The following UBE2E2 variants were observed in gnomAD, a reference collection of about 807,000 sequenced individuals.
UBE2E2 encodes ubiquitin-conjugating enzyme E2 E2.
Under a neutral mutation model 24.7 loss-of-function variants are expected in UBE2E2, and 6 were observed. That is an observed-to-expected ratio of 0.24 (90% CI 0.13 to 0.48). The LOEUF (loss-of-function observed/expected upper bound fraction) is 0.48. UBE2E2 is among the 20% of genes least tolerant of loss of function. UBE2E2 has a pLI of 0.99. For synonymous variants in UBE2E2, 104 were observed against 83.6 expected (o/e 1.24, Z -1.33); for missense variants, 169 against 245.0 (o/e 0.69, Z 2.07).
At chr3:23,573,479 C>T (rs1387589711) in intron 5 of UBE2E2, among the ~76,000 whole-genome samples, 2 of 152,094 alleles carry the variant, frequency 1.3e-5, no homozygotes, top group African/African-American at 2.4e-5. Context: ...ATCGTGTTAT[C>T]TTTAGAAGTG....
intron 4 of UBE2E2, among the ~76,000 whole-genome samples, chr3:23,499,948 TCTC>T (rs1699685132): frequency 6.6e-6 from 1 of 152,202 alleles, no homozygotes; most frequent in Non-Finnish European, 1.5e-5. Context: ...TTGTTTTTTT[TCTC>T]CTCCTTTTTC....
intron 2 of UBE2E2, among the ~76,000 whole-genome samples, chr3:23,210,120 T>G (rs1696279653): frequency 6.6e-6 from 1 of 151,776 alleles, no homozygotes; most frequent in Non-Finnish European, 1.5e-5. Flanking sequence ...TTAGGATGGA[T>G]GAGAAAGGTG....
At chr3:23,301,775 C>G (rs981308309) in intron 3 of UBE2E2, among the ~76,000 whole-genome samples, 1 of 149,822 alleles carries the variant, frequency 6.7e-6, no homozygotes, top group African/African-American at 2.5e-5. Flanking sequence ...AGATCTCCAG[C>G]TGCGTGCTGG....
At chr3:23,418,647 A>G (rs1697712411) in intron 3 of UBE2E2, among the ~76,000 whole-genome samples, 1 of 152,220 alleles carries the variant, frequency 6.6e-6, no homozygotes. Flanking sequence ...GTTGAAAAGT[A>G]CATCTTAAGC....
intron 5 of UBE2E2, among the ~76,000 whole-genome samples, chr3:23,539,828 A>G (rs891498311): frequency 1.3e-5 from 2 of 152,040 alleles, no homozygotes; most frequent in African/African-American, 4.8e-5. Context: ...TGAATTGGAA[A>G]TTTTCACTAA....
At chr3:23,588,677 TGTTA>T (rs946697335) in intron 5 of UBE2E2, among the ~76,000 whole-genome samples, 2 of 152,118 alleles carry the variant, frequency 1.3e-5, no homozygotes, top group Non-Finnish European at 2.9e-5. Context: ...AACAGCACCC[TGTTA>T]GTTAAGAGGG....
chr3:23,591,360 C>T lies in UBE2E2; in HGVS notation c.*1529C>T, dbSNP rs1156270747. The T allele has an allele frequency of 6.6e-6, 1 of 151,942 alleles. No individual in the cohort carries two copies. The highest frequency in any genetic ancestry group is 6.6e-5 in the Admixed American group (1 of 15,254). The allele number at this position is 151,942 out of a possible 1,614,324, so 9.4% of individuals were successfully genotyped here. On this transcript the variant is annotated 3_prime_UTR_variant, in exon 6 of 6. Coordinates refer to ENST00000396703, the MANE Select transcript of UBE2E2 (RefSeq NM_152653.4). ...TCTAAATATTTTAACATTTAAAATG[C>T]CTGATTCAAAAGATACAGTTTTTGT...
At chr3:23,566,757 C>T (rs928014156) in intron 5 of UBE2E2, among the ~76,000 whole-genome samples, 4 of 152,170 alleles carry the variant, frequency 2.6e-5, no homozygotes, top group African/African-American at 9.6e-5. Context: ...CTGACCCCAA[C>T]ACCTGCCACT....
chr3:23,433,204 TATACTC>T (rs997011761), intron 3 of UBE2E2, among the ~76,000 whole-genome samples: 13 of 151,990 alleles, frequency 8.6e-5, no homozygotes, highest in Non-Finnish European at 1.8e-4. Flanking sequence ...ACCAAAATCT[TATACTC>T]ATATCTTTTC....
At chr3:23,357,905 C>A (rs988161563) in intron 3 of UBE2E2, among the ~76,000 whole-genome samples, 1 of 152,206 alleles carries the variant, frequency 6.6e-6, no homozygotes, top group Admixed American at 6.5e-5. Context: ...CTGGCACAAT[C>A]ACAGCTCACT....
intron 3 of UBE2E2, among the ~76,000 whole-genome samples, chr3:23,260,532 T>C (rs1469508427): frequency 6.6e-6 from 1 of 152,196 alleles, no homozygotes; most frequent in African/African-American, 2.4e-5. Flanking sequence ...ATGGAACTTA[T>C]GGCCTGTACA....
At chr3:23,292,045 A>T (rs1698783311) in intron 3 of UBE2E2, among the ~76,000 whole-genome samples, 1 of 151,832 alleles carries the variant, frequency 6.6e-6, no homozygotes, top group Non-Finnish European at 1.5e-5. Flanking sequence ...TTTTTAGTAG[A>T]GACGGGGTTT....
At chr3:23,504,400 A>T (rs561213613) in intron 4 of UBE2E2, among the ~76,000 whole-genome samples, 48 of 152,344 alleles carry the variant, frequency 3.2e-4, no homozygotes, top group African/African-American at 1.2e-3. Flanking sequence ...ATGAACATTC[A>T]TATAATTACA....
intron 3 of UBE2E2, among the ~76,000 whole-genome samples, chr3:23,311,194 T>A (rs1208284048): frequency 6.6e-6 from 1 of 152,210 alleles, no homozygotes; most frequent in East Asian, 1.9e-4. Flanking sequence ...AACTCATCCT[T>A]TTTTGTGGCT....
chr3:23,294,861 CA>C, intron 3 of UBE2E2, among the ~76,000 whole-genome samples: 1 of 56,170 alleles, frequency 1.8e-5, no homozygotes, highest in Admixed American at 2.9e-4. Context: ...TTGTTATGAC[CA>C]AAAATATAAT....
chr3:23,324,798 A>G (rs1191996246), intron 3 of UBE2E2, among the ~76,000 whole-genome samples: 1 of 151,910 alleles, frequency 6.6e-6, no homozygotes, highest in Non-Finnish European at 1.5e-5. Context: ...AATTTAAAAA[A>G]AAAAAACCTA....
intron 3 of UBE2E2, among the ~76,000 whole-genome samples, chr3:23,451,023 A>G (rs1698549824): frequency 1.3e-5 from 2 of 152,242 alleles, no homozygotes; most frequent in Admixed American, 1.3e-4. Flanking sequence ...AATGTTAATA[A>G]GAGAAACTTC....
intron 3 of UBE2E2, among the ~76,000 whole-genome samples, chr3:23,246,804 A>G (rs922385548): frequency 6.6e-6 from 1 of 152,240 alleles, no homozygotes; most frequent in South Asian, 2.1e-4. Context: ...AATTATGACA[A>G]AGCATGTGGA....
intron 5 of UBE2E2, among the ~76,000 whole-genome samples, chr3:23,574,378 CA>C (rs1347899827): frequency 6.6e-6 from 1 of 152,058 alleles, no homozygotes; most frequent in Non-Finnish European, 1.5e-5. Flanking sequence ...TAAAAGAGTA[CA>C]ACTGGATTGT....
Sources: allele counts gnomAD v4.1 joint callset (sites outside exome capture counted in the v4.1 genomes callset), GRCh38; gene constraint gnomAD v4.1.1; transcripts MANE v1.5; gene names NCBI Gene and HGNC (gene_info 2026-07-23, HGNC 2026-07-21).